Variants in DMD observed in about 807,000 individuals in gnomAD.
The protein encoded by DMD is dystrophin.
A neutral mutation model predicts 330.1 loss-of-function variants in DMD; 63 were observed. The observed-to-expected ratio is 0.19, with a 90% CI of 0.16 to 0.24. DMD has a LOEUF of 0.24. Among genes scored for constraint, DMD ranks in the 10% least tolerant of loss-of-function variants. The probability of loss-of-function intolerance (pLI) is 1.00; values close to 1 mark genes in which losing one functional copy is unlikely to be tolerated. For missense variants in DMD, 3,344 were observed against 2,684.1 expected (o/e 1.25, Z -5.43); for synonymous variants, 1,223 against 959.8 (o/e 1.27, Z -5.07).
At chrX:32,598,544 A>T (rs1266807474) in intron 12 of DMD, among the ~76,000 whole-genome samples, 1 of 112,175 alleles carries the variant, frequency 8.9e-6, no homozygotes, top group Non-Finnish European at 1.9e-5. Flanking sequence ...ACAAAATTAC[A>T]AGTAAATAAT....
At chrX:31,577,960 A>C (rs748713852) in intron 55 of DMD, among the ~76,000 whole-genome samples, 1 of 111,371 alleles carries the variant, frequency 9.0e-6, no homozygotes, top group Non-Finnish European at 1.9e-5. Flanking sequence ...TTGCCTTTAT[A>C]TTGAAAAAAA....
intron 2 of DMD, among the ~76,000 whole-genome samples, chrX:32,946,696 T>C (rs1232589401): frequency 8.9e-6 from 1 of 112,268 alleles, no homozygotes; most frequent in African/African-American, 3.2e-5. Context: ...AAGTCCCTGC[T>C]TCGTTGACAT....
At chrX:31,205,050 A>G (rs2043930759) in intron 66 of DMD, among the ~76,000 whole-genome samples, 1 of 112,371 alleles carries the variant, frequency 8.9e-6, no homozygotes, top group Non-Finnish European at 1.9e-5. Flanking sequence ...GTGTGCCAGA[A>G]GTATCTACAG....
At chrX:32,335,868 A>G (rs922879000) in intron 41 of DMD, among the ~76,000 whole-genome samples, 1 of 105,557 alleles carries the variant, frequency 9.5e-6, no homozygotes, top group Non-Finnish European at 1.9e-5. Context: ...TCAACGTTAT[A>G]TGTGTATAAC....
intron 13 of DMD, among the ~76,000 whole-genome samples, chrX:32,575,461 A>T (rs1466989043): frequency 8.9e-6 from 1 of 112,276 alleles, no homozygotes; most frequent in African/African-American, 3.2e-5. Flanking sequence ...ATTTTGAATT[A>T]TGTTTACAAT....
At chrX:32,636,199 G>A (rs1220741730) in intron 11 of DMD, among the ~76,000 whole-genome samples, 1 of 112,117 alleles carries the variant, frequency 8.9e-6, no homozygotes, top group Non-Finnish European at 1.9e-5. Context: ...CCAACACGAA[G>A]TATGCTGACA....
chrX:31,626,786 TATC>T (rs987436562), intron 55 of DMD, among the ~76,000 whole-genome samples: 5 of 112,306 alleles, frequency 4.5e-5, no homozygotes, highest in Admixed American at 9.5e-5. Context: ...AGTTTAAAAA[TATC>T]ATAATAGTTT....
chrX:32,672,282 A>G (rs898798519), intron 9 of DMD, among the ~76,000 whole-genome samples: 1 of 110,878 alleles, frequency 9.0e-6, no homozygotes, highest in African/African-American at 3.3e-5. Flanking sequence ...TACAGAACAT[A>G]AAAAAAATGC....
chrX:32,118,726 G>T (rs755685373), intron 44 of DMD, among the ~76,000 whole-genome samples: 1 of 107,601 alleles, frequency 9.3e-6, no homozygotes, highest in African/African-American at 3.4e-5. Flanking sequence ...AACCTTTTCG[G>T]CACCAGAGAC....
At chrX:32,512,573 T>C (rs1229131091) in intron 18 of DMD, among the ~76,000 whole-genome samples, 1 of 112,484 alleles carries the variant, frequency 8.9e-6, no homozygotes, top group African/African-American at 3.2e-5. Flanking sequence ...AAGTCCTGAT[T>C]TCTAGAAACC....
intron 7 of DMD, among the ~76,000 whole-genome samples, chrX:32,720,407 GT>G (rs945743344): frequency 9.0e-6 from 1 of 110,779 alleles, no homozygotes; most frequent in Non-Finnish European, 1.9e-5. Context: ...TTTTACAATC[GT>G]TTTTTTACTT....
At chrX:32,153,523 A>G (rs1207679419) in intron 44 of DMD, among the ~76,000 whole-genome samples, 1 of 111,602 alleles carries the variant, frequency 9.0e-6, no homozygotes, top group African/African-American at 3.3e-5. Flanking sequence ...AAAAAAAAAA[A>G]TTTATAATCC....
intron 57 of DMD, among the ~76,000 whole-genome samples, chrX:31,482,238 G>GT (rs2068357773): frequency 1.1e-5 from 1 of 92,827 alleles, no homozygotes; most frequent in East Asian, 3.7e-4. Flanking sequence ...TGTGTGTGTG[G>GT]GGGGGGTGTT....
At chrX:32,790,847 A>C (rs1479519887) in intron 7 of DMD, among the ~76,000 whole-genome samples, 12 of 111,536 alleles carry the variant, frequency 1.1e-4, no homozygotes. Context: ...GCAGGGCCAC[A>C]GTGTAGCCAA....
intron 60 of DMD, among the ~76,000 whole-genome samples, chrX:31,381,523 GTC>G (rs962778258): frequency 2.7e-5 from 3 of 111,367 alleles, no homozygotes. Flanking sequence ...TCTTTGTTGA[GTC>G]TCCCACAATT....
intron 9 of DMD, among the ~76,000 whole-genome samples, chrX:32,646,109 T>A (rs1324089627): frequency 9.0e-6 from 1 of 111,725 alleles, no homozygotes; most frequent in Non-Finnish European, 1.9e-5. Flanking sequence ...TGAAGCCAAG[T>A]AATAGAGACG....
chrX:31,793,841 C>T (rs762245500), intron 50 of DMD, among the ~76,000 whole-genome samples: 1 of 111,656 alleles, frequency 9.0e-6, no homozygotes. Context: ...ATTTCTCAGG[C>T]CCTTGACAAA....
intron 77 of DMD, among the ~76,000 whole-genome samples, chrX:31,131,551 C>T (rs147363305): frequency 0.012 from 1,308 of 111,411 alleles, 26 homozygotes; most frequent in African/African-American, 0.04. Context: ...AAATCACTGT[C>T]CTGGATGTCA....
intron 53 of DMD, among the ~76,000 whole-genome samples, chrX:31,664,528 G>GTTTT (rs1272947235): frequency 6.4e-5 from 3 of 46,966 alleles, no homozygotes; most frequent in African/African-American, 3.0e-4. Context: ...GAGTGTTCAA[G>GTTTT]CTTTTTTTTT....
Sources: gnomAD v4.1 joint callset for allele counts (sites outside exome capture counted in the v4.1 genomes callset) on GRCh38, gnomAD v4.1.1 for gene constraint, MANE v1.5 for transcripts, NCBI Gene and HGNC (gene_info 2026-07-23, HGNC 2026-07-21) for gene names.